ANKS1B: variants seen among roughly 807,000 people sequenced by gnomAD.
The protein encoded by ANKS1B is ankyrin repeat and sterile alpha motif domain containing 1B.
Under a neutral mutation model 148.3 loss-of-function variants are expected in ANKS1B, and 36 were observed. The ratio of observed to expected loss-of-function variants is 0.24; its 90% confidence interval spans 0.19 to 0.32. The LOEUF (loss-of-function observed/expected upper bound fraction) is 0.32, where lower values mean the gene tolerates loss of function less well. Among genes scored for constraint, ANKS1B ranks in the 10% least tolerant of loss-of-function variants. The pLI is 1.00. For synonymous variants in ANKS1B, 542 were observed against 560.8 expected (o/e 0.97, Z 0.47); for missense variants, 1,157 against 1,542.6 (o/e 0.75, Z 4.19).
chr12:99,657,137 T>G (rs1471176571), intron 8 of ANKS1B, among the ~76,000 whole-genome samples: 2 of 152,168 alleles, frequency 1.3e-5, no homozygotes, highest in Admixed American at 1.3e-4. Flanking sequence ...GCCTATTGTC[T>G]GTTAACTATT....
intron 1 of ANKS1B, among the ~76,000 whole-genome samples, chr12:99,964,751 T>C (rs1267631947): frequency 1.3e-5 from 2 of 151,972 alleles, no homozygotes; most frequent in East Asian, 3.9e-4. Context: ...CCAAGAAGGA[T>C]GAAAAGATTA....
rs2053978494 is a variant in ANKS1B, at chr12:99,696,701, T to C, written c.1129-41491A>G. On this transcript the variant is annotated intron_variant, in intron 8 of 26. Transcript: ENST00000683438. ...TAGGTGCAACACTGAAAACATGATA[T>C]ATAAAATAAAAATTGATAAATTAGA... Among the ~76,000 whole-genome samples, 4 of 144,312 alleles carry C rather than the reference T, an allele frequency of 2.8e-5. No individual in the cohort carries two copies. In the South Asian group the frequency reaches 9.7e-4, roughly 35 times the overall value. The allele number at this position is 144,312 out of a possible 152,430, so 94.7% of individuals were successfully genotyped here.
At chr12:99,814,423 T>A (rs2068840779) in intron 2 of ANKS1B, among the ~76,000 whole-genome samples, 1 of 151,716 alleles carries the variant, frequency 6.6e-6, no homozygotes, top group Admixed American at 6.6e-5. Context: ...AGAAGTGAAA[T>A]GAAATGCTTA....
chr12:99,112,409 C>T (rs936218247), intron 15 of ANKS1B, among the ~76,000 whole-genome samples: 6 of 151,346 alleles, frequency 4.0e-5, no homozygotes, highest in Non-Finnish European at 7.4e-5. Flanking sequence ...CCTTCCTTTC[C>T]TAAGGCTTTT....
chr12:99,615,594 C>G (rs968858338), intron 9 of ANKS1B, among the ~76,000 whole-genome samples: 1 of 152,094 alleles, frequency 6.6e-6, no homozygotes, highest in Non-Finnish European at 1.5e-5. Flanking sequence ...ATTCAACACC[C>G]CTTCATGCTA....
chr12:99,853,057 C>T (rs1385762414), intron 1 of ANKS1B, among the ~76,000 whole-genome samples: 1 of 152,142 alleles, frequency 6.6e-6, no homozygotes, highest in Admixed American at 6.5e-5. Context: ...ATAGCAGCCA[C>T]AGCAAGCCAC....
intron 17 of ANKS1B, among the ~76,000 whole-genome samples, chr12:99,018,884 A>G (rs760322025): frequency 6.6e-6 from 1 of 152,236 alleles, no homozygotes; most frequent in Non-Finnish European, 1.5e-5. Flanking sequence ...CAGAGGTTGC[A>G]GTGAACTGAG....
intron 1 of ANKS1B, among the ~76,000 whole-genome samples, chr12:99,951,773 A>G (rs1357461858): frequency 6.6e-6 from 1 of 152,154 alleles, no homozygotes; most frequent in African/African-American, 2.4e-5. Flanking sequence ...AGTCCCAACT[A>G]TAACTCAGGA....
At chr12:99,502,250 T>C (rs1326643349) in intron 10 of ANKS1B, among the ~76,000 whole-genome samples, 1 of 152,142 alleles carries the variant, frequency 6.6e-6, no homozygotes, top group Non-Finnish European at 1.5e-5. Context: ...CCCCCCTGAA[T>C]ATGCTATTTC....
intron 1 of ANKS1B, among the ~76,000 whole-genome samples, chr12:99,858,504 TC>T (rs1490764134): frequency 2.0e-5 from 3 of 152,174 alleles, no homozygotes; most frequent in Non-Finnish European, 4.4e-5. Context: ...CACCATTTGA[TC>T]CAGGAGTCCA....
chr12:99,843,158 A>G (rs1166547991), intron 1 of ANKS1B, among the ~76,000 whole-genome samples: 4 of 152,202 alleles, frequency 2.6e-5, no homozygotes, highest in African/African-American at 7.2e-5. Context: ...CATTTCTGTC[A>G]TTTATGTTTT....
Position 99,827,889 on chromosome 12 carries a change from A to G in ANKS1B, c.135-2500T>C, listed in dbSNP as rs902683072. On this transcript the variant is annotated intron_variant, in intron 1 of 26. Coordinates refer to ENST00000683438, the MANE Select transcript of ANKS1B (RefSeq NM_001352186.2). ...CACACATAACTTACCATCAAATCATACCATACAAATAACATACAAATACCA... is the reference window on the plus strand; with the variant it reads ...CACACATAACTTACCATCAAATCATGCCATACAAATAACATACAAATACCA... Among the ~76,000 whole-genome samples the G allele has an allele frequency of 2.6e-5, 4 of 152,300 alleles. No individual in the cohort carries two copies. The East Asian group carries it at 7.7e-4, about 29-fold the overall frequency.
At chr12:99,218,737 G>GT (rs1334744503) in intron 14 of ANKS1B, among the ~76,000 whole-genome samples, 3 of 152,202 alleles carry the variant, frequency 2.0e-5, no homozygotes, top group Admixed American at 2.0e-4. Flanking sequence ...TAAAGTGGGA[G>GT]TAACACCTAC....
chr12:99,354,339 T>C (rs1013322796), intron 12 of ANKS1B, among the ~76,000 whole-genome samples: 30 of 152,170 alleles, frequency 2.0e-4, no homozygotes, highest in African/African-American at 7.2e-4. Flanking sequence ...AAATGTTCCT[T>C]GTATGGTTTT....
At chr12:99,427,673 T>G (rs1331402036) in intron 11 of ANKS1B, among the ~76,000 whole-genome samples, 2 of 152,230 alleles carry the variant, frequency 1.3e-5, no homozygotes, top group Non-Finnish European at 2.9e-5. Flanking sequence ...TGAACTCTTT[T>G]GTCTTGCTCA....
intron 8 of ANKS1B, among the ~76,000 whole-genome samples, chr12:99,658,875 C>A (rs2098462639): frequency 6.6e-6 from 1 of 152,164 alleles, no homozygotes; most frequent in Non-Finnish European, 1.5e-5. Flanking sequence ...GGCTTATTTA[C>A]CCTTGTGAAG....
chr12:99,159,935 G>GTA (rs969945409), intron 14 of ANKS1B, among the ~76,000 whole-genome samples: 2 of 152,136 alleles, frequency 1.3e-5, no homozygotes, highest in Non-Finnish European at 2.9e-5. Context: ...GTGAGAAATG[G>GTA]TATCTCATTG....
chr12:99,517,549 C>T (rs11503424), intron 9 of ANKS1B, among the ~76,000 whole-genome samples: 2,302 of 141,426 alleles, frequency 0.016, 67 homozygotes, highest in African/African-American at 0.06. Context: ...GAAACCCTGT[C>T]TCTAGTAAAA....
intron 15 of ANKS1B, among the ~76,000 whole-genome samples, chr12:99,147,161 T>C (rs1383886048): frequency 6.6e-6 from 1 of 152,072 alleles, no homozygotes; most frequent in Non-Finnish European, 1.5e-5. Context: ...AATGTACCCC[T>C]GTAAGATAAG....
Sources: allele counts gnomAD v4.1 joint callset (sites outside exome capture counted in the v4.1 genomes callset), GRCh38; gene constraint gnomAD v4.1.1; transcripts MANE v1.5; gene names NCBI Gene and HGNC (gene_info 2026-07-23, HGNC 2026-07-21).